The following CSMD1 variants were observed in gnomAD, a reference collection of about 807,000 sequenced individuals.
The protein encoded by CSMD1 is CUB and sushi domain-containing protein 1.
In CSMD1, 213 loss-of-function variants were observed where a neutral mutation model predicts 417.5. That is an observed-to-expected ratio of 0.51 (90% confidence interval 0.46 to 0.57). The LOEUF (loss-of-function observed/expected upper bound fraction) is 0.57, where lower values mean the gene tolerates loss of function less well. Ranked by LOEUF, CSMD1 falls within the 20% of genes least tolerant of loss-of-function variation. The pLI is 0.00. For missense variants in CSMD1, 6,923 were observed against 4,529.7 expected (o/e 1.53, Z -15.17); for synonymous variants, 2,862 against 1,736.8 (o/e 1.65, Z -16.11).
intron 1 of CSMD1, among the ~76,000 whole-genome samples, chr8:4,764,962 T>C (rs1388634941): frequency 6.6e-6 from 1 of 151,656 alleles, no homozygotes; most frequent in Non-Finnish European, 1.5e-5. Context: ...TTGCACACTC[T>C]TTATTTAAAA....
intron 12 of CSMD1, among the ~76,000 whole-genome samples, chr8:3,442,817 T>C (rs1460307419): frequency 6.6e-6 from 1 of 151,826 alleles, no homozygotes; most frequent in Non-Finnish European, 1.5e-5. Context: ...TTATGAGAGA[T>C]ATTAGTACAT....
rs34951548 is a variant in CSMD1 at position 3,406,503 on chromosome 8, C to G, written c.2072-282G>C. Among the ~76,000 whole-genome samples, 729 of 152,226 alleles carry G rather than the reference C, an allele frequency of 4.8e-3. 5 individuals carry two copies. The highest frequency in any genetic ancestry group is 0.016 in the African/African-American group (678 of 41,542). On this transcript the variant is annotated intron_variant, in intron 14 of 69. Coordinates refer to ENST00000635120, the MANE Select transcript of CSMD1 (RefSeq NM_033225.6). ...CATAGGAGCTTAGACAAAGAGAGAA[C>G]TGATATGGTGGGTGGTAGAAAGTGT...
At chr8:3,850,827 G>C (rs375323705) in intron 5 of CSMD1, among the ~76,000 whole-genome samples, 4 of 152,156 alleles carry the variant, frequency 2.6e-5, no homozygotes, top group African/African-American at 9.7e-5. Context: ...AAAAGTTACT[G>C]AAGGATAAAA....
At chr8:4,657,269 C>T (rs894987096) in intron 1 of CSMD1, among the ~76,000 whole-genome samples, 1 of 152,160 alleles carries the variant, frequency 6.6e-6, no homozygotes, top group Non-Finnish European at 1.5e-5. Flanking sequence ...AAAACTAAGG[C>T]AGAGTTGTAA....
chr8:4,399,752 G>C (rs144081902), intron 3 of CSMD1, among the ~76,000 whole-genome samples: 5 of 152,260 alleles, frequency 3.3e-5, no homozygotes, highest in Admixed American at 3.3e-4. Context: ...TTATACATCA[G>C]GCTCCTGAAT....
intron 3 of CSMD1, among the ~76,000 whole-genome samples, chr8:4,084,199 G>A (rs970152079): frequency 1.3e-5 from 2 of 151,786 alleles, no homozygotes; most frequent in African/African-American, 4.8e-5. Flanking sequence ...ATTTTTTCCT[G>A]ATTTTTCAGT....
At chr8:3,490,687 A>T (rs962094283) in intron 11 of CSMD1, among the ~76,000 whole-genome samples, 9 of 152,134 alleles carry the variant, frequency 5.9e-5, no homozygotes, top group Middle Eastern at 3.2e-3. Context: ...GGGGATAGCA[A>T]ATAGCTGGAG....
chr8:3,158,011 A>T, intron 38 of CSMD1, 45 bp from the exon 39 acceptor site: 1 of 1,414,410 alleles, frequency 7.1e-7, no homozygotes, highest in Non-Finnish European at 9.8e-7. Flanking sequence ...CTAAAAACAG[A>T]GTATTTAAGG....
chr8:3,970,345 A>T (rs1026205290), intron 5 of CSMD1, among the ~76,000 whole-genome samples: 2 of 152,168 alleles, frequency 1.3e-5, no homozygotes, highest in Admixed American at 1.3e-4. Context: ...CCAGCATAAG[A>T]TCGCAGCAGC....
intron 1 of CSMD1, among the ~76,000 whole-genome samples, chr8:4,877,150 C>G (rs368851794): frequency 1.1e-4 from 16 of 152,062 alleles, no homozygotes; most frequent in East Asian, 5.8e-4. Context: ...TTTCATGACA[C>G]ATTTTACACT....
rs911717990 is a variant in CSMD1, at chr8:4,800,186, C to G, written c.86-162628G>C. On this transcript the variant is annotated intron_variant, in intron 1 of 69. Coordinates refer to ENST00000635120, the MANE Select transcript of CSMD1 (RefSeq NM_033225.6). ...GGCCGTGACGGCTCATGCCTATAAC[C>G]CCAGCACGTTGGGAAGCCAAGGCGG... Among the ~76,000 whole-genome samples the G allele has an allele frequency of 2.6e-5, 4 of 151,962 alleles. No individual in the cohort carries two copies. In the East Asian group the frequency reaches 7.7e-4, roughly 29 times the overall value.
intron 7 of CSMD1, among the ~76,000 whole-genome samples, chr8:3,661,872 G>T (rs575256112): frequency 6.6e-6 from 1 of 152,232 alleles, no homozygotes; most frequent in African/African-American, 2.4e-5. Context: ...GTTGAAGGAC[G>T]ACACATAGGA....
chr8:4,566,424 T>C (rs1438490930), intron 2 of CSMD1, among the ~76,000 whole-genome samples: 3 of 150,986 alleles, frequency 2.0e-5, no homozygotes, highest in East Asian at 1.9e-4. Flanking sequence ...GAGGCCGAGG[T>C]GGGTTGATCA....
At chr8:4,275,588 G>T (rs1796439941) in intron 3 of CSMD1, among the ~76,000 whole-genome samples, 1 of 152,066 alleles carries the variant, frequency 6.6e-6, no homozygotes, top group South Asian at 2.1e-4. Context: ...ATAGATAAAA[G>T]GTAATATTGT....
At chr8:4,238,703 G>T (rs1197035260) in intron 3 of CSMD1, among the ~76,000 whole-genome samples, 1 of 152,188 alleles carries the variant, frequency 6.6e-6, no homozygotes, top group African/African-American at 2.4e-5. Flanking sequence ...CCTGTTAGCT[G>T]TTTGGGGCAG....
At chr8:4,304,460 T>C (rs142883052) in intron 3 of CSMD1, among the ~76,000 whole-genome samples, 66 of 152,306 alleles carry the variant, frequency 4.3e-4, no homozygotes, top group African/African-American at 1.5e-3. Flanking sequence ...TTGCTGGAAG[T>C]CACCCAGATA....
At chr8:3,037,482 T>A (rs34661755) in intron 50 of CSMD1, among the ~76,000 whole-genome samples, 1 of 151,960 alleles carries the variant, frequency 6.6e-6, no homozygotes, top group Non-Finnish European at 1.5e-5. Context: ...CCGCACTTTC[T>A]TTATCCACTC....
chr8:3,658,687 G>A (rs915523861), intron 7 of CSMD1, among the ~76,000 whole-genome samples: 2 of 151,948 alleles, frequency 1.3e-5, no homozygotes, highest in Admixed American at 6.6e-5. Flanking sequence ...GGAGGCTGAG[G>A]CAGGGGAAAC....
At chr8:3,422,792 G>T (rs544220043) in intron 12 of CSMD1, among the ~76,000 whole-genome samples, 21 of 152,292 alleles carry the variant, frequency 1.4e-4, no homozygotes, top group Non-Finnish European at 2.5e-4. Flanking sequence ...GGTTCAAGAG[G>T]CTAGGAAGAT....
Sources: allele counts gnomAD v4.1 joint callset (sites outside exome capture counted in the v4.1 genomes callset), GRCh38; gene constraint gnomAD v4.1.1; transcripts MANE v1.5; gene names NCBI Gene and HGNC (gene_info 2026-07-23, HGNC 2026-07-21).